GRM5: variants seen among roughly 807,000 people sequenced by gnomAD.
The protein encoded by GRM5 is metabotropic glutamate receptor 5.
Under a neutral mutation model 83.1 loss-of-function variants are expected in GRM5, and 19 were observed. The ratio of observed to expected loss-of-function variants is 0.23; its 90% CI spans 0.16 to 0.34. The LOEUF is 0.34. Ranked by LOEUF, GRM5 falls within the 10% of genes least tolerant of loss-of-function variation. The pLI, the probability that GRM5 is intolerant of heterozygous loss-of-function variation, is 1.00. For synonymous variants in GRM5, 675 were observed against 633.6 expected (o/e 1.07, Z -0.98); for missense variants, 1,160 against 1,588.3 (o/e 0.73, Z 4.58).
intron 2 of GRM5, among the ~76,000 whole-genome samples, chr11:88,980,839 TA>T (rs1388864539): frequency 1.3e-5 from 2 of 151,768 alleles, no homozygotes; most frequent in East Asian, 3.9e-4. Flanking sequence ...AATAAATAAA[TA>T]AAAATAAAAG....
intron 4 of GRM5, among the ~76,000 whole-genome samples, chr11:88,622,905 T>G (rs772935419): frequency 6.6e-6 from 1 of 152,206 alleles, no homozygotes; most frequent in Non-Finnish European, 1.5e-5. Flanking sequence ...AGTTATTTAC[T>G]CTGTCTAAAC....
rs146236420 is a variant in GRM5, at chr11:88,591,251, T to G, written c.1564-524A>C. Among the ~76,000 whole-genome samples the G allele has an allele frequency of 8.6e-4, 131 of 152,316 alleles. No homozygotes were observed. The Middle Eastern group carries it at 0.01, about 12-fold the overall frequency. ...GGTAGAACATAGCAAAAGATTAAGA[T>G]TTTCCTGGAGATGATCTCTTGATCT... On this transcript the variant is annotated intron_variant, in intron 6 of 9. Coordinates refer to ENST00000305447, the MANE Select transcript of GRM5 (RefSeq NM_001143831.3).
At chr11:88,524,950 G>A (rs542810056) in intron 9 of GRM5, among the ~76,000 whole-genome samples, 2 of 152,266 alleles carry the variant, frequency 1.3e-5, no homozygotes, top group East Asian at 1.9e-4. Context: ...GTTTTATTAA[G>A]TGATTGGATA....
rs901699706 is a variant in GRM5, at chr11:88,858,110, A to G, written c.662-7955T>C. ...TATAACACGACCCATATACCACAGCATTAAGCATAAGGCATGGCATTATTG... is the reference window on the plus strand; with the variant it reads ...TATAACACGACCCATATACCACAGCGTTAAGCATAAGGCATGGCATTATTG... On this transcript the variant is annotated intron_variant, in intron 2 of 9. Coordinates refer to ENST00000305447, the MANE Select transcript of GRM5 (RefSeq NM_001143831.3). Among the ~76,000 whole-genome samples, 6 of 152,072 alleles carry G rather than the reference A, an allele frequency of 3.9e-5. No individual in the cohort carries two copies. The East Asian group carries it at 5.8e-4, about 15-fold the overall frequency.
chr11:88,738,050 G>A (rs987568504), intron 3 of GRM5, among the ~76,000 whole-genome samples: 3 of 122,092 alleles, frequency 2.5e-5, no homozygotes, highest in African/African-American at 1.1e-4. Flanking sequence ...TAAAATTCAT[G>A]TATTCAGAGA....
intron 9 of GRM5, among the ~76,000 whole-genome samples, chr11:88,521,698 A>C (rs1424708973): frequency 6.6e-6 from 1 of 152,072 alleles, no homozygotes; most frequent in Admixed American, 6.5e-5. Flanking sequence ...AAGTTATACT[A>C]TATTCAGACA....
intron 4 of GRM5, among the ~76,000 whole-genome samples, chr11:88,646,752 C>T (rs1040846219): frequency 1.4e-4 from 21 of 152,036 alleles, no homozygotes; most frequent in African/African-American, 4.1e-4. Flanking sequence ...AATGAACTAA[C>T]ACAAAGAGAA....
chr11:88,958,258 T>TAA (rs1217037967), intron 2 of GRM5, among the ~76,000 whole-genome samples: 2 of 150,420 alleles, frequency 1.3e-5, no homozygotes, highest in South Asian at 4.2e-4. Flanking sequence ...TATATATATA[T>TAA]AATGTATATG....
intron 2 of GRM5, among the ~76,000 whole-genome samples, chr11:88,930,383 C>T (rs1195132359): frequency 1.3e-5 from 2 of 152,126 alleles, no homozygotes; most frequent in Non-Finnish European, 2.9e-5. Context: ...CACTGTATTC[C>T]AGCCCGGGCA....
At chr11:88,872,949 A>T (rs1241365800) in intron 2 of GRM5, among the ~76,000 whole-genome samples, 2 of 3,956 alleles carry the variant, frequency 5.1e-4, no homozygotes, top group Non-Finnish European at 0.028. Flanking sequence ...AGACCCAACT[A>T]TATGCTCATA....
chr11:88,892,071 C>T (rs1945154478), intron 2 of GRM5, among the ~76,000 whole-genome samples: 1 of 151,778 alleles, frequency 6.6e-6, no homozygotes, highest in Non-Finnish European at 1.5e-5. Flanking sequence ...TTTCTCTGTA[C>T]CTGGTTCCTC....
chr11:88,786,802 G>T (rs568048732), intron 3 of GRM5, among the ~76,000 whole-genome samples: 1 of 150,772 alleles, frequency 6.6e-6, no homozygotes, highest in Admixed American at 6.6e-5. Flanking sequence ...CCCTTTCCTC[G>T]CTCCACTTAA....
chr11:88,514,897 C>T (rs1349246718), intron 9 of GRM5, among the ~76,000 whole-genome samples: 1 of 152,122 alleles, frequency 6.6e-6, no homozygotes, highest in East Asian at 1.9e-4. Flanking sequence ...CCCAACTCCT[C>T]CAACAGCCCT....
At position 88,752,852 on chromosome 11, in the gene GRM5, G is replaced by A. The variant is rs144416635; in HGVS notation, c.911+97054C>T. On this transcript the variant is annotated intron_variant, in intron 3 of 9. Coordinates refer to ENST00000305447, the MANE Select transcript of GRM5 (RefSeq NM_001143831.3). ...GACAAACCTGACAAAAAACAGTAAT[G>A]GTGAAAAGATTTCTTATTTAATAAA... is the stretch of plus-strand genomic sequence containing the variant. Among the ~76,000 whole-genome samples, 103 of 152,240 alleles carry A rather than the reference G, an allele frequency of 6.8e-4. 1 individual carries two copies. The East Asian group carries it at 0.018, about 26-fold the overall frequency.
At chr11:88,624,399 T>C (rs1591390314) in intron 4 of GRM5, among the ~76,000 whole-genome samples, 1 of 152,168 alleles carries the variant, frequency 6.6e-6, no homozygotes, top group Non-Finnish European at 1.5e-5. Context: ...TAATTAAATA[T>C]TGCCTGAGAG....
intron 4 of GRM5, among the ~76,000 whole-genome samples, chr11:88,650,462 A>G (rs1474332293): frequency 1.3e-5 from 2 of 151,988 alleles, no homozygotes; most frequent in Non-Finnish European, 2.9e-5. Context: ...TTTGAAATAC[A>G]TCATGAAAAA....
chr11:88,967,211 GTGTA>G (rs1462316823), intron 2 of GRM5, among the ~76,000 whole-genome samples: 2 of 127,608 alleles, frequency 1.6e-5, no homozygotes, highest in African/African-American at 5.7e-5. Flanking sequence ...GTGTGTGTGT[GTGTA>G]TATATGTGTG....
At chr11:88,926,358 A>G (rs915802735) in intron 2 of GRM5, among the ~76,000 whole-genome samples, 3 of 152,184 alleles carry the variant, frequency 2.0e-5, no homozygotes, top group Admixed American at 2.0e-4. Flanking sequence ...TAGCATGTTG[A>G]AAGATAACAT....
intron 3 of GRM5, among the ~76,000 whole-genome samples, chr11:88,671,188 C>T (rs1940184093): frequency 1.3e-5 from 2 of 151,790 alleles, no homozygotes; most frequent in Admixed American, 1.3e-4. Context: ...CAGAGACATG[C>T]TAGACCCTAG....
Sources: allele counts gnomAD v4.1 joint callset (sites outside exome capture counted in the v4.1 genomes callset), GRCh38; gene constraint gnomAD v4.1.1; transcripts MANE v1.5; gene names NCBI Gene and HGNC (gene_info 2026-07-23, HGNC 2026-07-21).